The following PPP1R3F variants were observed in gnomAD, a reference collection of about 807,000 sequenced individuals.
The protein encoded by PPP1R3F is protein phosphatase 1, regulatory (inhibitor) subunit 3F.
Under a neutral mutation model 24.2 loss-of-function variants are expected in PPP1R3F, and 29 were observed. The ratio of observed to expected loss-of-function variants is 1.20; its 90% confidence interval spans 0.89 to 1.63. The LOEUF is 1.63. Among genes scored for constraint, PPP1R3F ranks in the 40% most tolerant of loss-of-function variants. PPP1R3F has a pLI of 0.00. For synonymous variants in PPP1R3F, 363 were observed against 340.1 expected (o/e 1.07, Z -0.74); for missense variants, 823 against 729.3 (o/e 1.13, Z -1.48).
Position 49,286,538 on chromosome X carries a change from G to T in PPP1R3F, c.1848G>T (p.Val616=). The T allele has an allele frequency of 8.3e-7, 1 of 1,211,657 alleles. No individual in the cohort carries two copies. The highest frequency in any genetic ancestry group is 1.1e-6 in the Non-Finnish European group (1 of 895,218). The change falls in exon 4 of 4, where the codon GTG becomes GTT. Residue 616 remains valine (V), a synonymous_variant. Coordinates refer to ENST00000055335, the MANE Select transcript of PPP1R3F (RefSeq NM_033215.5). ...ARSVVATMGD[V]WLPWAEGSGC... is the part of the protein sequence containing the mutation. The stretch of plus-strand genomic sequence containing the variant: ...CTGTGGTAGCCACGATGGGAGATGT[G>T]TGGCTCCCATGGGCAGAGGGCTCAG...
intron 3 of PPP1R3F, among the ~76,000 whole-genome samples, chrX:49,297,275 G>A (rs1195093221): frequency 3.7e-5 from 4 of 107,980 alleles, no homozygotes; most frequent in Non-Finnish European, 5.7e-5. Context: ...GTGCAGTGGC[G>A]CAATCTCGGC....
intron 1 of PPP1R3F, among the ~76,000 whole-genome samples, chrX:49,278,564 G>C (rs1165935738): frequency 5.4e-5 from 6 of 111,983 alleles, no homozygotes; most frequent in African/African-American, 2.0e-4. Flanking sequence ...ACCCACCCTA[G>C]GCCCTGTAGT....
At chrX:49,282,297 C>T (rs1482001397) in intron 3 of PPP1R3F, among the ~76,000 whole-genome samples, 3 of 111,784 alleles carry the variant, frequency 2.7e-5, no homozygotes, top group African/African-American at 9.8e-5. Context: ...CTGTGCTAAG[C>T]ACTGTTACAA....
At position 49,285,834 on chromosome X, in the gene PPP1R3F, G is replaced by C. The variant is rs782046406; in HGVS notation, c.1144G>C (p.Val382Leu). The change falls in exon 4 of 4, where the codon GTT (valine) becomes CTT (leucine). Residue 382 changes from valine to leucine, a missense_variant and splice_region_variant. Coordinates refer to ENST00000055335, the MANE Select transcript of PPP1R3F (RefSeq NM_033215.5). ...LRPWPQMTLQ[V>L]SDVPMTGNPA... is the part of the protein sequence containing the mutation. ...CCCCTTGCCCCGGCCATGGCTCCAGGTTTCTGACGTTCCGATGACTGGCAA... is the reference window on the plus strand; with the variant it reads ...CCCCTTGCCCCGGCCATGGCTCCAGCTTTCTGACGTTCCGATGACTGGCAA... The C allele has an allele frequency of 1.2e-5, 14 of 1,138,045 alleles. No homozygotes were observed. Among genetic ancestry groups the C allele is most frequent in the Non-Finnish European group, 1.6e-5 (14 of 856,335 alleles). 93.8% of individuals were successfully genotyped at this position (1,138,045 alleles called of 1,213,427 possible). A position where few individuals can be genotyped will look rare whatever the true frequency, so the allele number is the denominator to read the frequency against.
At chrX:49,292,353 T>C (rs1399995860), downstream of PPP1R3F, among the ~76,000 whole-genome samples, 1 of 112,894 alleles carries the variant, frequency 8.9e-6, no homozygotes, top group Non-Finnish European at 1.9e-5. Context: ...TTTTTAATCC[T>C]CTTTATCTCA....
intron 2 of PPP1R3F, 76 bp downstream of exon 2, chrX:49,281,537 A>G: frequency 4.4e-6 from 4 of 900,218 alleles, no homozygotes; most frequent in Non-Finnish European, 4.8e-6. Flanking sequence ...TCTTTCTATA[A>G]AAATGAAAAA....
intron 3 of PPP1R3F, among the ~76,000 whole-genome samples, chrX:49,300,477 GTTTTT>G (rs35140303): frequency 2.8e-5 from 2 of 70,390 alleles, no homozygotes; most frequent in Admixed American, 3.6e-4. Flanking sequence ...TATTGCTGCT[GTTTTT>G]TTTTTTTTTT....
intron 3 of PPP1R3F, among the ~76,000 whole-genome samples, chrX:49,282,443 C>CTG (rs545507997): frequency 0.019 from 1,404 of 73,895 alleles, 22 homozygotes; most frequent in African/African-American, 0.058. Context: ...GTGAGAGACT[C>CTG]TGTGTGTGTG....
Position 49,285,880 on chromosome X carries a change from T to C in PPP1R3F, c.1190T>C (p.Val397Ala), listed in dbSNP as rs781901479. Residue 397 changes from valine (V) to alanine (A), a missense_variant, in exon 4 of 4, where the codon GTC becomes GCC. By Grantham distance (64) the Val-to-Ala change is moderately conservative. Transcript: ENST00000055335. ...MTGNPAEEGD[V>A]PRSSPPVAFT... ...GGCAACCCCGCAGAAGAAGGTGATGTCCCCAGAAGCAGTCCACCTGTGGCT... is the reference window on the plus strand; with the variant it reads ...GGCAACCCCGCAGAAGAAGGTGATGCCCCCAGAAGCAGTCCACCTGTGGCT... The C allele has an allele frequency of 4.3e-6, 5 of 1,170,824 alleles. No individual in the cohort carries two copies. The highest frequency in any genetic ancestry group is 5.7e-6 in the Non-Finnish European group (5 of 872,911).
At chrX:49,298,483 A>G (rs1469023178) in intron 3 of PPP1R3F, among the ~76,000 whole-genome samples, 1 of 111,361 alleles carries the variant, frequency 9.0e-6, no homozygotes, top group Non-Finnish European at 1.9e-5. Flanking sequence ...TCTGATGATT[A>G]TGTGTCTTGG....
chrX:49,274,102 A>G (rs781906976), intron 1 of PPP1R3F: 1 of 112,019 alleles, frequency 8.9e-6, no homozygotes, highest in Non-Finnish European at 1.9e-5. Context: ...TGAGTACTAT[A>G]TTTTCATGCA....
At chrX:49,284,437 C>T (rs2066267594) in intron 3 of PPP1R3F, among the ~76,000 whole-genome samples, 2 of 96,567 alleles carry the variant, frequency 2.1e-5, no homozygotes, top group East Asian at 3.2e-4. Flanking sequence ...CTCTTTCTTT[C>T]TTTTCTTTTA....
At chrX:49,294,465 C>T (rs2066317437) in intron 3 of PPP1R3F, among the ~76,000 whole-genome samples, 1 of 109,463 alleles carries the variant, frequency 9.1e-6, no homozygotes, top group Non-Finnish European at 1.9e-5. Flanking sequence ...AGTGATCCGC[C>T]AACCTCGGCC....
At chrX:49,271,697 A>C (rs896538568) in intron 1 of PPP1R3F, among the ~76,000 whole-genome samples, 1 of 112,987 alleles carries the variant, frequency 8.9e-6, no homozygotes. Context: ...TGTGCACTCT[A>C]CTGTTAACGC....
chrX:49,292,320 A>G (rs2066311379), downstream of PPP1R3F, among the ~76,000 whole-genome samples: 1 of 112,237 alleles, frequency 8.9e-6, no homozygotes, highest in Non-Finnish European at 1.9e-5. Flanking sequence ...ACTCATTTCC[A>G]TCACTAAAGA....
chrX:49,293,290 T>C (rs1348307163), intron 3 of PPP1R3F, among the ~76,000 whole-genome samples: 1 of 112,541 alleles, frequency 8.9e-6, no homozygotes, highest in African/African-American at 3.2e-5. Flanking sequence ...CCTGATGTGA[T>C]TTGCATGATA....
At chrX:49,284,039 A>G (rs2066265141) in intron 3 of PPP1R3F, among the ~76,000 whole-genome samples, 1 of 112,364 alleles carries the variant, frequency 8.9e-6, no homozygotes, top group African/African-American at 3.2e-5. Flanking sequence ...TCAGAGAAGT[A>G]CTACTACAAA....
chrX:49,284,187 G>A (rs1557121028), intron 3 of PPP1R3F, among the ~76,000 whole-genome samples: 1 of 111,133 alleles, frequency 9.0e-6, no homozygotes, highest in Non-Finnish European at 1.9e-5. Flanking sequence ...TGGCTAGTAG[G>A]AGCTTATTGA....
intron 3 of PPP1R3F, among the ~76,000 whole-genome samples, chrX:49,296,221 C>T (rs150082047): frequency 0.033 from 3,647 of 111,568 alleles, 134 homozygotes; most frequent in African/African-American, 0.11. Flanking sequence ...TTCAGGGATT[C>T]GAATGCTTCC....
Sources: gnomAD v4.1 joint callset for allele counts (sites outside exome capture counted in the v4.1 genomes callset) on GRCh38, gnomAD v4.1.1 for gene constraint, MANE v1.5 for transcripts, NCBI Gene and HGNC (gene_info 2026-07-23, HGNC 2026-07-21) for gene names.